Variants in IL18BP observed in about 807,000 individuals in gnomAD.
The protein encoded by IL18BP is interleukin 18 binding protein.
IL18BP carries 23 observed loss-of-function variants against 19.9 expected under a neutral mutation model. That is an observed-to-expected ratio of 1.15 (90% CI 0.83 to 1.64). The LOEUF is 1.64. Ranked by LOEUF, IL18BP falls within the 40% of genes most tolerant of loss-of-function variation. The pLI, the probability that IL18BP is intolerant of heterozygous loss-of-function variation, is 0.00. For synonymous variants in IL18BP, 107 were observed against 101.0 expected, an observed-to-expected ratio of 1.06 and a Z score of -0.35; for missense variants, 239 against 240.7, an observed-to-expected ratio of 0.99 and a Z score of 0.05.
At chr11:72,003,789 C>G, downstream of IL18BP, 1 of 1,297,900 alleles carries the variant, frequency 7.7e-7, no homozygotes, top group South Asian at 1.2e-5. Context: ...CTCCAGCAGC[C>G]TGGCGTGGCC....
At chr11:72,004,239 C>G, downstream of IL18BP, 1 of 1,611,574 alleles carries the variant, frequency 6.2e-7, no homozygotes. Flanking sequence ...TTAGTAGAAG[C>G]TGGAGCTGCT....
At chr11:71,999,122 G>C (rs373502945) in intron 1 of IL18BP, 103 bp downstream of exon 1, 6 of 515,684 alleles carry the variant, frequency 1.2e-5, no homozygotes, top group Middle Eastern at 3.2e-4. Context: ...AGATGTAGCC[G>C]ACCTTGGGGC....
rs1172399285 is a variant in IL18BP at position 72,002,450 on chromosome 11, G to A, written c.*589G>A. 1 of 154,020 alleles carries A rather than the reference G, an allele frequency of 6.5e-6. No homozygotes were observed. Among genetic ancestry groups the A allele is most frequent in the Non-Finnish European group, 1.4e-5 (1 of 69,438 alleles). 9.5% of individuals were successfully genotyped at this position (154,020 alleles called of 1,614,324 possible). A position where few individuals can be genotyped will look rare whatever the true frequency, so the allele number is the denominator to read the frequency against. On this transcript the variant is annotated 3_prime_UTR_variant, in exon 6 of 6. Coordinates refer to ENST00000393703, the MANE Select transcript of IL18BP (RefSeq NM_001039660.2). ...TAATGGACTGTTCCAGGGAAGGGAT[G>A]GGGGCAGCAGCTGCTTCGGATCCAC... is the stretch of plus-strand genomic sequence containing the variant.
At chr11:72,003,631 TG>T (rs1215445185), downstream of IL18BP, 3 of 1,515,374 alleles carry the variant, frequency 2.0e-6, no homozygotes, top group African/African-American at 4.1e-5. Context: ...CCCACGCCCC[TG>T]TCTGGATCCC....
At chr11:72,007,480 G>A (rs1389859615), downstream of IL18BP, 5 of 1,604,006 alleles carry the variant, frequency 3.1e-6, no homozygotes, top group South Asian at 1.1e-5. Flanking sequence ...CACGCTAGAA[G>A]GCATTTTGTC....
chr11:72,004,909 C>T, downstream of IL18BP: 1 of 1,255,944 alleles, frequency 8.0e-7, no homozygotes, highest in South Asian at 1.5e-5. Context: ...TCGCCCGACA[C>T]TTATGGTCGG....
downstream of IL18BP, chr11:72,004,320 A>G: frequency 6.2e-7 from 1 of 1,613,088 alleles, no homozygotes; most frequent in African/African-American, 1.3e-5. Context: ...GGGCGTGGGA[A>G]ACAGCTGGTG....
intron 2 of IL18BP, 82 bp from the exon 3 acceptor site, chr11:72,000,268 CA>C: frequency 8.0e-7 from 1 of 1,247,258 alleles, no homozygotes; most frequent in African/African-American, 1.5e-5. Flanking sequence ...AGAACCCAGA[CA>C]TCTCTGGGCT....
At chr11:72,007,438 A>G (rs113809822), downstream of IL18BP, 1 of 1,613,106 alleles carries the variant, frequency 6.2e-7, no homozygotes, top group East Asian at 2.2e-5. Flanking sequence ...GCAGCTTGCT[A>G]TGGAAAGGAA....
Position 72,002,170 on chromosome 11 carries a change from C to G in IL18BP, c.*309C>G. ...CCACCAAGACTGTTGATGCCTTAGC[C>G]TTGCACTCCAGGGCCCTACCTGCAT... is the stretch of plus-strand genomic sequence containing the variant. On this transcript the variant is annotated 3_prime_UTR_variant, in exon 6 of 6. Coordinates refer to ENST00000393703, the MANE Select transcript of IL18BP (RefSeq NM_001039660.2). The G allele has an allele frequency of 4.4e-6, 2 of 455,608 alleles. No homozygotes were observed. The highest frequency in any genetic ancestry group is 7.9e-6 in the Non-Finnish European group (2 of 253,318). The allele number at this position is 455,608 out of a possible 1,614,324, so 28.2% of individuals were successfully genotyped here.
At chr11:72,008,135 G>A (rs759826405), downstream of IL18BP, 6 of 479,230 alleles carry the variant, frequency 1.3e-5, no homozygotes, top group African/African-American at 2.0e-5. Context: ...ATTGTCATGA[G>A]TGCTTTATGT....
chr11:72,003,691 C>T, downstream of IL18BP: 1 of 1,065,674 alleles, frequency 9.4e-7, no homozygotes, highest in South Asian at 1.4e-5. Context: ...GCCTGAGCAG[C>T]TCTGGGTGCT....
At chr11:72,005,420 C>T (rs1955620614), downstream of IL18BP, 2 of 1,569,660 alleles carry the variant, frequency 1.3e-6, no homozygotes, top group African/African-American at 1.4e-5. Context: ...CGGCAGGTCA[C>T]CTCCTGGCCC....
intron 2 of IL18BP, 66 bp from the exon 3 acceptor site, chr11:72,000,285 T>C: frequency 7.1e-7 from 1 of 1,416,988 alleles, no homozygotes; most frequent in Non-Finnish European, 9.9e-7. Flanking sequence ...GGGCTGGAGT[T>C]ACATCCTTAC....
chr11:72,004,563 G>T (rs1955545009), downstream of IL18BP: 1 of 1,448,448 alleles, frequency 6.9e-7, no homozygotes, highest in Non-Finnish European at 9.4e-7. Flanking sequence ...GAGAGAGAAG[G>T]CTCCCTTTAG....
chr11:72,000,476 C>G lies in IL18BP; in HGVS notation c.154C>G (p.Pro52Ala). 1.9e-6 allele frequency: 3 copies of G among 1,614,084 alleles called. No homozygotes were observed. The highest frequency in any genetic ancestry group is 2.5e-6 in the Non-Finnish European group (3 of 1,180,026). Residue 52 changes from proline (P) to alanine (A), a missense_variant, in exon 3 of 6, where the codon CCC (proline) becomes GCC (alanine). Transcript: ENST00000393703. ...ASVRSTKDPC[P>A]SQPPVFPAAK... is the part of the protein sequence containing the mutation. Reference sequence around the variant, plus strand: ...AGTTAGAAGCACAAAGGACCCCTGCCCCTCCCAGCCCCCAGTGTTCCCAGC... The same window carrying G: ...AGTTAGAAGCACAAAGGACCCCTGCGCCTCCCAGCCCCCAGTGTTCCCAGC...
chr11:72,002,320 G>A lies in IL18BP; in HGVS notation c.*459G>A. The stretch of plus-strand genomic sequence containing the variant: ...CCCCAGCAGGGGAACGCTCAAGCCT[G>A]GTTGAAATGCTGCCTCTTCAGTGAA... On this transcript the variant is annotated 3_prime_UTR_variant, in exon 6 of 6. Transcript: ENST00000393703. The A allele has an allele frequency of 5.7e-6, 1 of 175,390 alleles. No individual in the cohort carries two copies. The highest frequency in any genetic ancestry group is 1.2e-5 in the Non-Finnish European group (1 of 82,874). The allele number at this position is 175,390 out of a possible 1,614,324, so 10.9% of individuals were successfully genotyped here. A position where few individuals can be genotyped will look rare whatever the true frequency, so the allele number is the denominator to read the frequency against.
At chr11:72,001,347 G>A (rs112360425) in intron 4 of IL18BP, 23 bp downstream of exon 4, 35 of 1,614,240 alleles carry the variant, frequency 2.2e-5, no homozygotes, top group African/African-American at 1.7e-4. Context: ...GCAGCCAGGT[G>A]GGTGGGAAGG....
In IL18BP at chr11:72,002,441, G is replaced by GTTTTTT; in HGVS notation, c.*580_*581insTTTTTT. On this transcript the variant is annotated 3_prime_UTR_variant, in exon 6 of 6. Coordinates refer to ENST00000393703, the MANE Select transcript of IL18BP (RefSeq NM_001039660.2). ...CCTTCACTCTAATGGACTGTTCCAG[G>GTTTTTT]GAAGGGATGGGGGCAGCAGCTGCTT... 6.4e-6 allele frequency: 1 copy of GTTTTTT among 157,128 alleles called. No individual in the cohort carries two copies. The highest frequency in any genetic ancestry group is 1.4e-5 in the Non-Finnish European group (1 of 71,100). The allele number at this position is 157,128 out of a possible 1,614,324, so 9.7% of individuals were successfully genotyped here. A position where few individuals can be genotyped will look rare whatever the true frequency, so the allele number is the denominator to read the frequency against.
Sources: allele counts gnomAD v4.1 joint callset, GRCh38; gene constraint gnomAD v4.1.1; transcripts MANE v1.5; gene names NCBI Gene and HGNC (gene_info 2026-07-23, HGNC 2026-07-21).